PRKAG2: variants seen among roughly 807,000 people sequenced by gnomAD.
The protein encoded by PRKAG2 is 5'-AMP-activated protein kinase subunit gamma-2.
A neutral mutation model predicts 69.6 loss-of-function variants in PRKAG2; 26 were observed. The observed-to-expected ratio is 0.37, with a 90% CI of 0.27 to 0.52. The LOEUF (loss-of-function observed/expected upper bound fraction) is 0.52, where lower values mean the gene tolerates loss of function less well. PRKAG2 is among the 20% of genes least tolerant of loss of function. PRKAG2 has a pLI of 0.90. For missense variants in PRKAG2, 557 were observed against 740.0 expected (o/e 0.75, Z 2.87); for synonymous variants, 293 against 285.0 (o/e 1.03, Z -0.28).
intron 4 of PRKAG2, among the ~76,000 whole-genome samples, chr7:151,655,882 C>T (rs1451234671): frequency 6.6e-6 from 1 of 152,170 alleles, no homozygotes; most frequent in African/African-American, 2.4e-5. Context: ...CCCCACATAG[C>T]CTACACTTTG....
intron 2 of PRKAG2, among the ~76,000 whole-genome samples, chr7:151,783,937 AAAG>A (rs2076866263): frequency 1.3e-5 from 2 of 150,462 alleles, no homozygotes; most frequent in Admixed American, 1.3e-4. Flanking sequence ...AAAAAAAAAA[AAAG>A]AGGTTCTTCT....
intron 6 of PRKAG2, among the ~76,000 whole-genome samples, chr7:151,589,289 A>G (rs770090746): frequency 6.2e-4 from 95 of 152,290 alleles, no homozygotes; most frequent in Non-Finnish European, 1.2e-3. Context: ...ACTCCCACCC[A>G]GAGACATAAG....
chr7:151,854,128 G>C (rs1405309309), intron 1 of PRKAG2, among the ~76,000 whole-genome samples: 1 of 152,208 alleles, frequency 6.6e-6, no homozygotes, highest in Non-Finnish European at 1.5e-5. Context: ...TGCCCATCAC[G>C]GGCCAGAGAG....
At chr7:151,801,416 G>GT (rs936463720) in intron 1 of PRKAG2, among the ~76,000 whole-genome samples, 47 of 72,336 alleles carry the variant, frequency 6.5e-4, no homozygotes, top group Admixed American at 1.1e-3. Context: ...CAGGCCCTTG[G>GT]CCCCCAGGCT....
At chr7:151,703,261 G>A (rs762182673) in intron 3 of PRKAG2, among the ~76,000 whole-genome samples, 5 of 152,326 alleles carry the variant, frequency 3.3e-5, no homozygotes, top group South Asian at 2.1e-4. Context: ...AAAGGACTGC[G>A]GGTGCTCTAA....
chr7:151,677,866 C>T (rs1046357231), intron 3 of PRKAG2, among the ~76,000 whole-genome samples: 2 of 152,240 alleles, frequency 1.3e-5, no homozygotes, highest in East Asian at 1.9e-4. Flanking sequence ...GCTGGGCTCT[C>T]GGAGTCTACT....
chr7:151,746,367 A>G (rs1229803248), intron 3 of PRKAG2, among the ~76,000 whole-genome samples: 3 of 152,244 alleles, frequency 2.0e-5, no homozygotes, highest in Non-Finnish European at 4.4e-5. Context: ...AAACAAGGTA[A>G]CAGGTAGAAA....
intron 3 of PRKAG2, among the ~76,000 whole-genome samples, chr7:151,757,124 G>A (rs1187967378): frequency 6.6e-6 from 1 of 152,198 alleles, no homozygotes; most frequent in African/African-American, 2.4e-5. Flanking sequence ...AAGCTGGAGT[G>A]GGGTGCTCCT....
intron 5 of PRKAG2, among the ~76,000 whole-genome samples, chr7:151,597,825 C>CA (rs1554482782): frequency 2.7e-5 from 4 of 148,600 alleles, no homozygotes; most frequent in Non-Finnish European, 6.0e-5. Context: ...AGGGAGCCCC[C>CA]CCCCCCGCTC....
At chr7:151,701,612 G>C (rs1180246307) in intron 3 of PRKAG2, among the ~76,000 whole-genome samples, 1 of 152,118 alleles carries the variant, frequency 6.6e-6, no homozygotes, top group African/African-American at 2.4e-5. Flanking sequence ...GGGAGGCCGA[G>C]ACGGGCAGAT....
At chr7:151,720,049 G>A (rs1796802607) in intron 3 of PRKAG2, among the ~76,000 whole-genome samples, 1 of 152,198 alleles carries the variant, frequency 6.6e-6, no homozygotes, top group South Asian at 2.1e-4. Context: ...GTGAGGCCTG[G>A]CCACTAGCAC....
chr7:151,558,195 A>G, intron 15 of PRKAG2: 2 of 985,408 alleles, frequency 2.0e-6, no homozygotes, highest in African/African-American at 1.7e-5. Context: ...CTTTTTTGAG[A>G]AAGAGAAAGT....
intron 1 of PRKAG2, among the ~76,000 whole-genome samples, chr7:151,852,711 A>C (rs1250068046): frequency 4.5e-4 from 69 of 151,878 alleles, no homozygotes; most frequent in Non-Finnish European, 1.5e-5. Context: ...ATAGGAACAC[A>C]ATGACCTGGA....
chr7:151,726,739 A>G (rs1235718567), intron 3 of PRKAG2, among the ~76,000 whole-genome samples: 1 of 152,156 alleles, frequency 6.6e-6, no homozygotes, highest in East Asian at 1.9e-4. Flanking sequence ...GACGATGCCA[A>G]TCTTGAGGGG....
At chr7:151,606,364 G>A (rs913126788) in intron 5 of PRKAG2, among the ~76,000 whole-genome samples, 1 of 152,102 alleles carries the variant, frequency 6.6e-6, no homozygotes, top group African/African-American at 2.4e-5. Context: ...ACGATTATAG[G>A]TGGCACCATC....
intron 3 of PRKAG2, among the ~76,000 whole-genome samples, chr7:151,739,265 G>A (rs1014706324): frequency 1.3e-5 from 2 of 152,138 alleles, no homozygotes; most frequent in Non-Finnish European, 2.9e-5. Flanking sequence ...TAGGGGACCT[G>A]ACCCATCTCT....
At chr7:151,619,625 TATAAG>T (rs1820990447) in intron 5 of PRKAG2, among the ~76,000 whole-genome samples, 1 of 152,212 alleles carries the variant, frequency 6.6e-6, no homozygotes, top group Non-Finnish European at 1.5e-5. Context: ...AGACTATGTA[TATAAG>T]GTATATATGA....
intron 3 of PRKAG2, among the ~76,000 whole-genome samples, chr7:151,707,298 A>G (rs1838796109): frequency 1.3e-5 from 2 of 152,214 alleles, no homozygotes; most frequent in African/African-American, 4.8e-5. Context: ...GGGGACCTCA[A>G]TAAGGCAAGT....
chr7:151,643,173 G>A lies in PRKAG2; in HGVS notation c.685-11035C>T, dbSNP rs983731854. Among the ~76,000 whole-genome samples, 32 of 152,080 alleles carry A rather than the reference G, an allele frequency of 2.1e-4. 2 individuals are homozygous for A. The highest frequency in any genetic ancestry group is 1.7e-3 in the Admixed American group (26 of 15,270). On this transcript the variant is annotated intron_variant, in intron 4 of 15. Transcript: ENST00000287878. ...GTGTTTAACATGAGTTATTGGGAGC[G>A]GAATATTTATATTCTCTTATAGGTT...
Sources: allele counts gnomAD v4.1 joint callset (sites outside exome capture counted in the v4.1 genomes callset), GRCh38; gene constraint gnomAD v4.1.1; transcripts MANE v1.5; gene names NCBI Gene and HGNC (gene_info 2026-07-23, HGNC 2026-07-21).